Variants in PPP4R4 observed in about 807,000 individuals in gnomAD.
PPP4R4 encodes the protein protein phosphatase 4 regulatory subunit 4.
PPP4R4 carries 70 observed loss-of-function variants against 121.8 expected under a neutral mutation model. That is an observed-to-expected ratio of 0.57 (90% CI 0.47 to 0.70). The LOEUF is 0.70. Among genes scored for constraint, PPP4R4 ranks in the 30% least tolerant of loss-of-function variants. The pLI is 0.00. For missense variants in PPP4R4, 875 were observed against 1,033.6 expected (o/e 0.85, Z 2.10); for synonymous variants, 348 against 355.7 (o/e 0.98, Z 0.24).
chr14:94,260,350 C>T (rs575530468), intron 19 of PPP4R4, among the ~76,000 whole-genome samples: 3 of 152,096 alleles, frequency 2.0e-5, no homozygotes, highest in East Asian at 1.9e-4. Flanking sequence ...GGCGTGAACC[C>T]GGGAGGCAGA....
At chr14:94,276,910 T>C (rs1894673382) in intron 24 of PPP4R4, among the ~76,000 whole-genome samples, 1 of 152,128 alleles carries the variant, frequency 6.6e-6, no homozygotes, top group Non-Finnish European at 1.5e-5. Flanking sequence ...ATATTACAGG[T>C]TAATGTCAAT....
intron 17 of PPP4R4, among the ~76,000 whole-genome samples, chr14:94,258,300 C>G (rs1020926739): frequency 1.3e-5 from 2 of 152,110 alleles, no homozygotes; most frequent in African/African-American, 2.4e-5. Context: ...TTGTTTCAAA[C>G]TAGTGTATTC....
At chr14:94,235,350 T>A (rs1892277754) in intron 7 of PPP4R4, among the ~76,000 whole-genome samples, 1 of 151,114 alleles carries the variant, frequency 6.6e-6, no homozygotes, top group African/African-American at 2.4e-5. Flanking sequence ...CCTGTGCAAC[T>A]TCAGGCTTCC....
At chr14:94,194,401 T>C (rs1889755220) in intron 2 of PPP4R4, among the ~76,000 whole-genome samples, 2 of 152,228 alleles carry the variant, frequency 1.3e-5, no homozygotes, top group Non-Finnish European at 1.5e-5. Context: ...GTAACCATGA[T>C]GATTGTTTCC....
intron 7 of PPP4R4, among the ~76,000 whole-genome samples, chr14:94,236,310 T>A (rs1035407303): frequency 6.6e-6 from 1 of 152,206 alleles, no homozygotes; most frequent in African/African-American, 2.4e-5. Context: ...GAGATGAAAT[T>A]ATTTTTCTTA....
chr14:94,220,901 G>C (rs901486189), intron 3 of PPP4R4, among the ~76,000 whole-genome samples: 1 of 152,090 alleles, frequency 6.6e-6, no homozygotes, highest in Non-Finnish European at 1.5e-5. Flanking sequence ...TCTAAGATTC[G>C]TATGAGAATG....
chr14:94,276,361 G>A (rs1035639548), intron 24 of PPP4R4, among the ~76,000 whole-genome samples: 1 of 152,200 alleles, frequency 6.6e-6, no homozygotes, highest in African/African-American at 2.4e-5. Context: ...AGGCTGTTTT[G>A]CATTGCTATA....
intron 3 of PPP4R4, among the ~76,000 whole-genome samples, chr14:94,210,048 C>A (rs1890661721): frequency 1.3e-5 from 2 of 151,460 alleles, no homozygotes; most frequent in South Asian, 4.2e-4. Context: ...ATATTATACA[C>A]TTTTTTTTAT....
chr14:94,215,720 A>T (rs1247609597), intron 3 of PPP4R4, among the ~76,000 whole-genome samples: 2 of 152,224 alleles, frequency 1.3e-5, no homozygotes, highest in Non-Finnish European at 2.9e-5. Context: ...ATTAGAGATG[A>T]ACAGATTGAT....
chr14:94,255,919 C>G (rs1378970692), intron 16 of PPP4R4, among the ~76,000 whole-genome samples: 1 of 152,184 alleles, frequency 6.6e-6, no homozygotes, highest in East Asian at 1.9e-4. Context: ...TCCTGCTAGT[C>G]TCACCTTCAC....
At chr14:94,250,583 A>G (rs751536283) in intron 15 of PPP4R4, among the ~76,000 whole-genome samples, 10 of 151,998 alleles carry the variant, frequency 6.6e-5, no homozygotes, top group African/African-American at 9.7e-5. Context: ...TAGAATATCC[A>G]TGCATCTAAT....
intron 8 of PPP4R4, among the ~76,000 whole-genome samples, chr14:94,239,196 CTT>C (rs370068876): frequency 6.9e-6 from 1 of 145,310 alleles, no homozygotes; most frequent in African/African-American, 2.5e-5. Context: ...CCTTCTGCTT[CTT>C]TTTTTTTTTT....
chr14:94,266,137 A>T (rs1414737198), intron 22 of PPP4R4, among the ~76,000 whole-genome samples: 2 of 152,154 alleles, frequency 1.3e-5, no homozygotes, highest in Non-Finnish European at 2.9e-5. Flanking sequence ...AATATCATAG[A>T]ATCCATATAT....
intron 23 of PPP4R4, among the ~76,000 whole-genome samples, chr14:94,269,344 T>C (rs1479758170): frequency 6.6e-6 from 1 of 152,006 alleles, no homozygotes; most frequent in Non-Finnish European, 1.5e-5. Context: ...CTAGTTTGGC[T>C]GGAGTGTGGA....
intron 2 of PPP4R4, among the ~76,000 whole-genome samples, chr14:94,192,662 G>A (rs1889661867): frequency 6.6e-6 from 1 of 152,128 alleles, no homozygotes. Flanking sequence ...ACAAACATTT[G>A]ATATCCTGCA....
chr14:94,237,950 G>T (rs1167911042), intron 8 of PPP4R4, among the ~76,000 whole-genome samples: 1 of 152,190 alleles, frequency 6.6e-6, no homozygotes, highest in Non-Finnish European at 1.5e-5. Flanking sequence ...CATTTCTAGA[G>T]GCTGGGAAGT....
At chr14:94,234,454 A>G in intron 6 of PPP4R4, 108 bp from the exon 7 acceptor site, 1 of 676,076 alleles carries the variant, frequency 1.5e-6, no homozygotes, top group Non-Finnish European at 2.5e-6. Context: ...TTTCTATTAA[A>G]GTACATTTGT....
chr14:94,263,319 T>C (rs541153998), intron 19 of PPP4R4, among the ~76,000 whole-genome samples: 156 of 152,144 alleles, frequency 1.0e-3, no homozygotes, highest in Non-Finnish European at 1.9e-3. Flanking sequence ...TTAAAAAAAC[T>C]CTGTGCTACT....
intron 1 of PPP4R4, 45 bp from the exon 2 acceptor site, chr14:94,176,009 G>C (rs1888661736): frequency 6.7e-7 from 1 of 1,497,356 alleles, no homozygotes; most frequent in African/African-American, 1.4e-5. Context: ...GGGCAAGACT[G>C]AACCAATATT....
Sources: gnomAD v4.1 joint callset for allele counts (sites outside exome capture counted in the v4.1 genomes callset) on GRCh38, gnomAD v4.1.1 for gene constraint, MANE v1.5 for transcripts, NCBI Gene and HGNC (gene_info 2026-07-23, HGNC 2026-07-21) for gene names.